The following ACSM3 variants were observed in gnomAD, a reference collection of about 807,000 sequenced individuals.
ACSM3 encodes the protein acyl-CoA synthetase medium chain family member 3.
In ACSM3, 61 loss-of-function variants were observed where a neutral mutation model predicts 74.1. That is an observed-to-expected ratio of 0.82 (90% CI 0.67 to 1.02). The LOEUF is 1.02. Ranked by LOEUF, ACSM3 falls within the 50% of genes least tolerant of loss-of-function variation. ACSM3 has a pLI of 0.00. For synonymous variants in ACSM3, 213 were observed against 241.5 expected, an observed-to-expected ratio of 0.88 and a Z score of 1.09; for missense variants, 660 against 697.0, an observed-to-expected ratio of 0.95 and a Z score of 0.60.
intron 1 of ACSM3, chr16:20,727,533 C>G (rs1235871868): frequency 3.2e-6 from 1 of 309,692 alleles, no homozygotes; most frequent in Non-Finnish European, 6.5e-6. Context: ...GATTTTCAAC[C>G]TGAGCCCCTG....
chr16:20,753,906 TGAAA>T (rs1407076032), intron 2 of ACSM3, among the ~76,000 whole-genome samples: 5 of 141,172 alleles, frequency 3.5e-5, no homozygotes, highest in South Asian at 2.3e-4. Flanking sequence ...AAGAAAAGAA[TGAAA>T]GAAAGAAAAA....
rs368801707 is a variant in ACSM3, at chr16:20,776,716, T to A, written c.431-657T>A. Reference sequence around the variant, plus strand: ...ATGCAGAACCTGAAGCTCACAGAGGTGAAGTGGCTTGTCCCAAGTCCCAGC... The same window carrying A: ...ATGCAGAACCTGAAGCTCACAGAGGAGAAGTGGCTTGTCCCAAGTCCCAGC... On this transcript the variant is annotated intron_variant, in intron 3 of 13. Transcript: ENST00000289416. Among the ~76,000 whole-genome samples, 139 of 152,272 alleles carry A rather than the reference T, an allele frequency of 9.1e-4. 4 individuals are homozygous for A. In the South Asian group the frequency reaches 0.028, roughly 31 times the overall value.
intron 3 of ACSM3, among the ~76,000 whole-genome samples, chr16:20,758,517 TTC>T (rs1464549932): frequency 6.6e-6 from 1 of 152,140 alleles, no homozygotes; most frequent in Non-Finnish European, 1.5e-5. Context: ...TATTTGATTC[TTC>T]TCTCTTTTTT....
At position 20,675,614 on chromosome 16, in the gene ACSM3, G is replaced by C. The variant is rs989518358; in HGVS notation, c.-190+792G>C. ...AAAAAGGATTTAGAGCTGATTATGG[G>C]ATGAAACTGGATGTTCAAAAGTTAA... On this transcript the variant is annotated intron_variant, in intron 1 of 3. Coordinates refer to the ACSM3 transcript ENST00000561584. Among the ~76,000 whole-genome samples the C allele has an allele frequency of 1.5e-4, 23 of 152,320 alleles. No individual in the cohort carries two copies. In the East Asian group the frequency reaches 4.4e-3, roughly 29 times the overall value.
intron 2 of ACSM3, among the ~76,000 whole-genome samples, chr16:20,774,589 T>C (rs1447808924): frequency 6.6e-6 from 1 of 152,238 alleles, no homozygotes; most frequent in Non-Finnish European, 1.5e-5. Flanking sequence ...GTAGGCAGCC[T>C]ATAGTTGGGT....
chr16:20,696,475 C>G (rs1741647819), intron 1 of ACSM3, among the ~76,000 whole-genome samples: 1 of 152,238 alleles, frequency 6.6e-6, no homozygotes, highest in African/African-American at 2.4e-5. Context: ...AGAGAAAAGC[C>G]AGTGTGCCCA....
rs1430954456 is a variant in ACSM3 at position 20,741,607 on chromosome 16, C to T, written c.-189-8303C>T. 2.5e-6 allele frequency: 4 copies of T among 1,574,186 alleles called. No individual in the cohort carries two copies. In the South Asian group the frequency reaches 4.6e-5, roughly 18 times the overall value. On this transcript the variant is annotated intron_variant, in intron 1 of 3. Transcript: ENST00000561584. The stretch of plus-strand genomic sequence containing the variant: ...TTCATATTGCAGGTGATGAGGATGC[C>T]CTGTAGCCCGGGCTCTAGCTGACGG...
intron 7 of ACSM3, among the ~76,000 whole-genome samples, chr16:20,783,752 T>A (rs1424204145): frequency 6.6e-6 from 1 of 152,290 alleles, no homozygotes; most frequent in South Asian, 2.1e-4. Flanking sequence ...GAGTTTCCAG[T>A]TTCTTGTCTA....
chr16:20,773,771 C>T (rs1367265262), intron 2 of ACSM3, among the ~76,000 whole-genome samples: 1 of 152,106 alleles, frequency 6.6e-6, no homozygotes, highest in Non-Finnish European at 1.5e-5. Context: ...TGTTTTGTGC[C>T]CTAACATATG....
At chr16:20,742,019 T>G (rs538506319) in intron 1 of ACSM3, 17 of 1,461,916 alleles carry the variant, frequency 1.2e-5, no homozygotes, top group Non-Finnish European at 1.4e-5. Flanking sequence ...TGTCGGTGGC[T>G]CCTCAAGCCC....
At chr16:20,722,441 G>A (rs1170944200) in intron 1 of ACSM3, among the ~76,000 whole-genome samples, 1 of 152,134 alleles carries the variant, frequency 6.6e-6, no homozygotes, top group East Asian at 1.9e-4. Context: ...TCTCCAGAAG[G>A]AGGAGCTCTA....
intron 10 of ACSM3, chr16:20,791,057 G>C (rs1016531574): frequency 1.1e-6 from 1 of 902,638 alleles, no homozygotes; most frequent in East Asian, 2.6e-5. Flanking sequence ...CAGGGGATGC[G>C]GGGGTGGTGG....
At chr16:20,770,521 A>G (rs2152455510) in intron 2 of ACSM3, among the ~76,000 whole-genome samples, 1 of 151,024 alleles carries the variant, frequency 6.6e-6, no homozygotes, top group Admixed American at 6.6e-5. Flanking sequence ...GTAGAATTCT[A>G]GGTTGACTTA....
At chr16:20,737,697 G>A (rs570416645) in intron 1 of ACSM3, 1 of 1,593,060 alleles carries the variant, frequency 6.3e-7, no homozygotes, top group Admixed American at 1.8e-5. Context: ...AAATCACTAA[G>A]AGAAACATAC....
chr16:20,676,517 C>T (rs201216115), intron 1 of ACSM3, among the ~76,000 whole-genome samples: 2 of 152,178 alleles, frequency 1.3e-5, no homozygotes, highest in Admixed American at 1.3e-4. Context: ...ATATCAGGCA[C>T]AAATTGCAGA....
intron 1 of ACSM3, chr16:20,727,591 C>T: frequency 4.0e-6 from 1 of 249,278 alleles, no homozygotes; most frequent in Non-Finnish European, 8.1e-6. Flanking sequence ...CAGTATACCT[C>T]ATCTTGCCAG....
chr16:20,741,500 GA>G, intron 1 of ACSM3: 2 of 214,554 alleles, frequency 9.3e-6, no homozygotes, highest in Non-Finnish European at 1.9e-5. Flanking sequence ...CCCACCCCGG[GA>G]CCGGTACCTT....
At chr16:20,679,980 C>G (rs2079405405) in intron 1 of ACSM3, 1 of 152,096 alleles carries the variant, frequency 6.6e-6, no homozygotes, top group Non-Finnish European at 1.5e-5. Flanking sequence ...AAAACAGAAG[C>G]AGTCTGCAAT....
At chr16:20,788,859 G>T (rs537608069) in intron 9 of ACSM3, among the ~76,000 whole-genome samples, 2 of 152,204 alleles carry the variant, frequency 1.3e-5, no homozygotes, top group East Asian at 1.9e-4. Context: ...ATAACTGGGT[G>T]GGAATTTATA....
Sources: gnomAD v4.1 joint callset for allele counts (sites outside exome capture counted in the v4.1 genomes callset) on GRCh38, gnomAD v4.1.1 for gene constraint, MANE v1.5 for transcripts, NCBI Gene and HGNC (gene_info 2026-07-23, HGNC 2026-07-21) for gene names.